AP2A2: variants seen among roughly 807,000 people sequenced by gnomAD.
The protein encoded by AP2A2 is adaptor related protein complex 2 subunit alpha 2, also known as AP-2 complex subunit alpha-2.
A neutral mutation model predicts 104.2 loss-of-function variants in AP2A2; 32 were observed. The observed-to-expected ratio is 0.31, with a 90% CI of 0.23 to 0.41. The LOEUF (loss-of-function observed/expected upper bound fraction) is 0.41, where lower values mean the gene tolerates loss of function less well. Ranked by LOEUF, AP2A2 falls within the 10% of genes least tolerant of loss-of-function variation. The pLI is 1.00. For missense variants in AP2A2, 912 were observed against 1,261.0 expected (o/e 0.72, Z 4.19); for synonymous variants, 539 against 533.3 (o/e 1.01, Z -0.15).
At chr11:950,770 C>G (rs185628520) in intron 1 of AP2A2, among the ~76,000 whole-genome samples, 1 of 152,110 alleles carries the variant, frequency 6.6e-6, no homozygotes, top group African/African-American at 2.4e-5. Context: ...TAAAAAACTT[C>G]ATGAAGACAA....
chr11:1,000,879 G>A (rs1223286463), intron 15 of AP2A2, among the ~76,000 whole-genome samples: 2 of 152,226 alleles, frequency 1.3e-5, no homozygotes, highest in Admixed American at 1.3e-4. Context: ...CTGTCTGCAC[G>A]GTGATGTCCG....
chr11:968,154 G>A lies in AP2A2; in HGVS notation c.137-2015G>A, dbSNP rs867080434. The stretch of plus-strand genomic sequence containing the variant: ...CGTGCTGCCACATGAGCAGCGGGCC[G>A]AGCACTGTGGCTTTCTCCTCGCGCT... On this transcript the variant is annotated intron_variant, in intron 2 of 21. Transcript: ENST00000448903. The surrounding 1 kb of genome is among the most constrained non-coding windows in gnomAD (Gnocchi z 4.2). 6.6e-6 allele frequency among the ~76,000 whole-genome samples: 1 copy of A among 152,148 alleles called. No homozygotes were observed. The highest frequency in any genetic ancestry group is 1.5e-5 in the Non-Finnish European group (1 of 68,032).
chr11:1,000,481 CT>C lies in AP2A2; in HGVS notation c.2007del (p.Ala670ProfsTer66). ...ADLLGLGAAPPAPAGPPPSSG... is the reference protein window; with the variant it reads ...ADLLGLGAAPXAPAGPPPSSG... Reference sequence around the variant, plus strand: ...CTGCTGGGTCTCGGGGCTGCCCCCCCTGCCCCCGCGGGCCCCCCACCCTCCT... The same window carrying C: ...CTGCTGGGTCTCGGGGCTGCCCCCCCGCCCCCGCGGGCCCCCCACCCTCCT... On this transcript the variant is annotated frameshift_variant, in exon 15 of 22. Coordinates refer to ENST00000448903, the MANE Select transcript of AP2A2 (RefSeq NM_012305.4). LOFTEE classifies it high-confidence loss of function. The C allele has an allele frequency of 6.5e-7, 1 of 1,540,186 alleles. No individual in the cohort carries two copies. Among genetic ancestry groups the C allele is most frequent in the Non-Finnish European group, 8.7e-7 (1 of 1,147,114 alleles).
intron 20 of AP2A2, 50 bp from the exon 21 acceptor site, chr11:1,009,633 C>T (rs1221793686): frequency 6.8e-7 from 1 of 1,465,458 alleles, no homozygotes; most frequent in South Asian, 1.3e-5. Context: ...GGGGGACACG[C>T]TGCCCGCGAC....
In AP2A2 at chr11:1,009,417, G is replaced by A. The variant is rs1564825176; in HGVS notation, c.2607+20G>A. ...GCCAAGGTAACACGTCTGGAGGGAC[G>A]GCCCCGGGGGACACGCAGCCCGTGA... On this transcript the variant is annotated intron_variant, in intron 20 of 21. Coordinates refer to ENST00000448903, the MANE Select transcript of AP2A2 (RefSeq NM_012305.4). The A allele has an allele frequency of 1.9e-6, 3 of 1,602,646 alleles. No individual in the cohort carries two copies. Among genetic ancestry groups the A allele is most frequent in the Non-Finnish European group, 2.6e-6 (3 of 1,171,718 alleles).
At chr11:955,600 G>A (rs559451804) in intron 1 of AP2A2, among the ~76,000 whole-genome samples, 4 of 152,322 alleles carry the variant, frequency 2.6e-5, no homozygotes, top group African/African-American at 9.6e-5. Flanking sequence ...AAGCTGTTGT[G>A]TTCCCAGCAC....
chr11:1,010,055 A>G, intron 21 of AP2A2: 1 of 539,882 alleles, frequency 1.9e-6, no homozygotes, highest in Non-Finnish European at 3.3e-6. Flanking sequence ...TTTAACCACC[A>G]CCCTGTCAAT....
intron 3 of AP2A2, among the ~76,000 whole-genome samples, chr11:970,607 T>C (rs7927156): frequency 0.62 from 94,506 of 152,242 alleles, 29,813 homozygotes; most frequent in Middle Eastern, 0.74. Context: ...CTCCTTTCTT[T>C]GCAACCTCCC....
chr11:974,698 A>AGAAAG (rs768859817), intron 4 of AP2A2, among the ~76,000 whole-genome samples: 24 of 137,196 alleles, frequency 1.7e-4, no homozygotes, highest in Admixed American at 6.3e-4. Flanking sequence ...AAAAAAAAAA[A>AGAAAG]AAAGAAAGCT....
chr11:1,010,189 C>A, intron 21 of AP2A2: 1 of 482,640 alleles, frequency 2.1e-6, no homozygotes, highest in Non-Finnish European at 3.7e-6. Context: ...TGTTCCTTCT[C>A]ACCACGTCCC....
chr11:977,680 C>G (rs1273469873), intron 5 of AP2A2, among the ~76,000 whole-genome samples: 1 of 151,622 alleles, frequency 6.6e-6, no homozygotes, highest in Non-Finnish European at 1.5e-5. Context: ...CTGTGAGAGG[C>G]ACGTGTGGGG....
intron 2 of AP2A2, 138 bp downstream of exon 2, chr11:959,643 T>C (rs2134563586): frequency 1.5e-6 from 1 of 646,682 alleles, no homozygotes; most frequent in Non-Finnish European, 2.7e-6. Flanking sequence ...CAGGGCCCTG[T>C]CAGAATTAGG....
Position 968,182 on chromosome 11 carries a change from C to T in AP2A2, c.137-1987C>T, listed in dbSNP as rs975003730. Among the ~76,000 whole-genome samples the T allele has an allele frequency of 1.3e-5, 2 of 152,198 alleles. No individual in the cohort carries two copies. The highest frequency in any genetic ancestry group is 1.5e-5 in the Non-Finnish European group (1 of 68,038). The stretch of plus-strand genomic sequence containing the variant: ...CACTGTGGCTTTCTCCTCGCGCTGG[C>T]GACTTCCGCTGCCCCTCACGGTGCT... On this transcript the variant is annotated intron_variant, in intron 2 of 21. Transcript: ENST00000448903. The surrounding 1 kb of genome is among the most constrained non-coding windows in gnomAD (Gnocchi z 4.2).
chr11:940,154 A>C (rs1328244345), intron 1 of AP2A2, among the ~76,000 whole-genome samples: 1 of 151,708 alleles, frequency 6.6e-6, no homozygotes, highest in Non-Finnish European at 1.5e-5. Flanking sequence ...GGGTTTCGCC[A>C]TGTTGGCCAG....
chr11:927,816 C>CAAAAAA (rs35472837), intron 1 of AP2A2, among the ~76,000 whole-genome samples: 4 of 68,822 alleles, frequency 5.8e-5, no homozygotes, highest in African/African-American at 1.8e-4. Flanking sequence ...ACCTTTCTCA[C>CAAAAAA]AAAAAAAAAA....
rs931967532 is a variant in AP2A2 at position 992,080 on chromosome 11, A to G, written c.1270-423A>G. On this transcript the variant is annotated intron_variant, in intron 10 of 21. Transcript: ENST00000448903. This position sits in a 1 kb window ranked among gnomAD's most constrained non-coding sequence, Gnocchi z 6.4. Reference sequence around the variant, plus strand: ...CAGAGCCGGAAGAAACCAGCAGAGAAGTGGCCGCCGGGAGCCCAGGGTGGC... The same window carrying G: ...CAGAGCCGGAAGAAACCAGCAGAGAGGTGGCCGCCGGGAGCCCAGGGTGGC... Among the ~76,000 whole-genome samples, 4 of 152,072 alleles carry G rather than the reference A, an allele frequency of 2.6e-5. No homozygotes were observed. Among genetic ancestry groups the G allele is most frequent in the African/African-American group, 7.2e-5 (3 of 41,402 alleles).
At chr11:948,082 A>G (rs537331433) in intron 1 of AP2A2, among the ~76,000 whole-genome samples, 39 of 152,356 alleles carry the variant, frequency 2.6e-4, no homozygotes, top group African/African-American at 9.4e-4. Flanking sequence ...ATCTCAAATC[A>G]TTAACCTGTG....
rs758151430 is a variant in AP2A2, at chr11:1,010,534, GCTCT to G, written c.2743-11_2743-8del. The G allele has an allele frequency of 6.3e-7, 1 of 1,578,522 alleles. No homozygotes were observed. Among genetic ancestry groups the G allele is most frequent in the Non-Finnish European group, 8.6e-7 (1 of 1,162,018 alleles). ...CTCGGCGTGCCCGTTGACCTGCTGTGCTCTCTGTTTCAGATGTACCGGCTCACGC... is the reference window on the plus strand; with the variant it reads ...CTCGGCGTGCCCGTTGACCTGCTGTGCTGTTTCAGATGTACCGGCTCACGC... On this transcript the variant is annotated splice_polypyrimidine_tract_variant and intron_variant, in intron 21 of 21. Coordinates refer to ENST00000448903, the MANE Select transcript of AP2A2 (RefSeq NM_012305.4).
chr11:971,816 G>T (rs1854839465), intron 3 of AP2A2, among the ~76,000 whole-genome samples: 1 of 152,212 alleles, frequency 6.6e-6, no homozygotes, highest in South Asian at 2.1e-4. Context: ...CTCGTGGCAC[G>T]CTAGTCAGGT....
Sources: gnomAD v4.1 joint callset for allele counts (sites outside exome capture counted in the v4.1 genomes callset) on GRCh38, gnomAD v4.1.1 for gene constraint, Gnocchi (gnomAD v3.1) non-coding constraint, MANE v1.5 for transcripts, NCBI Gene and HGNC (gene_info 2026-07-23, HGNC 2026-07-21) for gene names.